The following WHR1 variants were observed in gnomAD, a reference collection of about 807,000 sequenced individuals.
WHR1 encodes winged helix repair factor 1, also known as MHC class III HLA-RP1.
the WHR1 span, chr6:31,972,526 C>A: frequency 3.3e-5 from 53 of 1,600,500 alleles, no homozygotes; most frequent in Non-Finnish European, 4.4e-5. This position sits in a 1 kb window ranked among gnomAD's most constrained non-coding sequence, Gnocchi z 6.3. Context: ...CCATGGCAAC[C>A]CCGGGGGTGG....
chr6:31,971,547 G>C, the WHR1 span: 4 of 1,614,180 alleles, frequency 2.5e-6, no homozygotes, highest in South Asian at 3.3e-5. The surrounding 1 kb of genome is among the most constrained non-coding windows in gnomAD (Gnocchi z 4.5). Context: ...AAGGGCGCCG[G>C]TAGAAAGGAA....
chr6:31,971,653 C>T, the WHR1 span: 5 of 1,608,278 alleles, frequency 3.1e-6, no homozygotes, highest in Non-Finnish European at 4.2e-6. This position sits in a 1 kb window ranked among gnomAD's most constrained non-coding sequence, Gnocchi z 4.5. Context: ...CTCAGCTCCT[C>T]TCTTGGTCCC....
chr6:31,972,779 G>T, the WHR1 span: 2 of 1,607,890 alleles, frequency 1.2e-6, no homozygotes, highest in Non-Finnish European at 1.7e-6. The surrounding 1 kb of genome is among the most constrained non-coding windows in gnomAD (Gnocchi z 6.3). Flanking sequence ...CGGTGCGACC[G>T]CCGGAAGCCC....
At chr6:31,974,695 C>T in the WHR1 span, among the ~76,000 whole-genome samples, 1 of 152,122 alleles carries the variant, frequency 6.6e-6, no homozygotes, top group Non-Finnish European at 1.5e-5. Context: ...GAATTTGAGG[C>T]TGCAGTGAGC....
chr6:31,979,731 C>G, the WHR1 span: 1 of 751,456 alleles, frequency 1.3e-6, no homozygotes, highest in Non-Finnish European at 2.1e-6. Flanking sequence ...GAGAGGAGGC[C>G]TATCTTACCT....
chr6:31,980,188 G>T, the WHR1 span: 1 of 483,128 alleles, frequency 2.1e-6, no homozygotes, highest in Non-Finnish European at 3.7e-6. Context: ...GGGAAGAGAA[G>T]CTATTTAACT....
At chr6:31,979,703 T>C in the WHR1 span, 3 of 1,030,126 alleles carry the variant, frequency 2.9e-6, no homozygotes, top group Non-Finnish European at 4.2e-6. Context: ...TGACCCAAGT[T>C]TGTATTCCTC....
chr6:31,976,825 C>T, the WHR1 span, among the ~76,000 whole-genome samples: 1 of 152,254 alleles, frequency 6.6e-6, no homozygotes, highest in African/African-American at 2.4e-5. Flanking sequence ...GCGGATCACT[C>T]GCGGTTAGGA....
chr6:31,981,404 C>T, the WHR1 span: 3 of 11,544 alleles, frequency 2.6e-4, no homozygotes, highest in Non-Finnish European at 5.5e-4. Context: ...CTTTTCTCTA[C>T]GTGTCATGTT....
At chr6:31,975,991 A>G in the WHR1 span, among the ~76,000 whole-genome samples, 4 of 129,338 alleles carry the variant, frequency 3.1e-5, no homozygotes, top group Non-Finnish European at 3.2e-5. Context: ...GGCCGGGCAG[A>G]GGCGCCCCTC....
the WHR1 span, among the ~76,000 whole-genome samples, chr6:31,975,092 A>G: frequency 1.3e-5 from 2 of 152,194 alleles, no homozygotes; most frequent in Admixed American, 1.3e-4. Context: ...CCTAGGTCAA[A>G]CTATAGAATA....
the WHR1 span, among the ~76,000 whole-genome samples, chr6:31,975,715 A>G: frequency 6.6e-6 from 1 of 150,888 alleles, no homozygotes; most frequent in African/African-American, 2.4e-5. Context: ...CGATTTCTCA[A>G]TCTTTTCCCC....
chr6:31,977,674 G>C, the WHR1 span, among the ~76,000 whole-genome samples: 1 of 151,784 alleles, frequency 6.6e-6, no homozygotes, highest in Non-Finnish European at 1.5e-5. Flanking sequence ...AATGGAGACC[G>C]GGTTTCATCA....
chr6:31,971,473 C>G, the WHR1 span: 1 of 1,614,022 alleles, frequency 6.2e-7, no homozygotes. This position sits in a 1 kb window ranked among gnomAD's most constrained non-coding sequence, Gnocchi z 4.5. Flanking sequence ...GCTATAGTAG[C>G]GCAGGGCTCG....
chr6:31,977,938 T>G, the WHR1 span, among the ~76,000 whole-genome samples: 1 of 151,832 alleles, frequency 6.6e-6, no homozygotes, highest in Admixed American at 6.6e-5. Context: ...CAGGCACACA[T>G]CACCACGCCC....
At chr6:31,971,939 C>G in the WHR1 span, 5 of 1,551,054 alleles carry the variant, frequency 3.2e-6, no homozygotes, top group African/African-American at 5.5e-5. This position sits in a 1 kb window ranked among gnomAD's most constrained non-coding sequence, Gnocchi z 4.5. Flanking sequence ...CTCAAAGCTC[C>G]CCAACTTCCA....
the WHR1 span, chr6:31,972,258 G>C: frequency 6.2e-7 from 1 of 1,613,126 alleles, no homozygotes; most frequent in Non-Finnish European, 8.5e-7. The surrounding 1 kb of genome is among the most constrained non-coding windows in gnomAD (Gnocchi z 6.3). Flanking sequence ...TGACGGGCCT[G>C]AGGGACGACA....
chr6:31,977,374 G>A, the WHR1 span, among the ~76,000 whole-genome samples: 1 of 138,300 alleles, frequency 7.2e-6, no homozygotes, highest in Admixed American at 7.7e-5. Context: ...ACGGAGTCTC[G>A]CTCTGTCACC....
chr6:31,980,408 C>T, the WHR1 span: 1 of 1,536,866 alleles, frequency 6.5e-7, no homozygotes, highest in African/African-American at 1.4e-5. Context: ...AGATGGTTCT[C>T]AGAGCCCAGC....
Sources: allele counts gnomAD v4.1 joint callset (sites outside exome capture counted in the v4.1 genomes callset), GRCh38; gene constraint gnomAD v4.1.1; non-coding constraint Gnocchi (gnomAD v3.1); transcripts MANE v1.5; gene names NCBI Gene and HGNC (gene_info 2026-07-23, HGNC 2026-07-21).